CAMK4: variants seen among roughly 807,000 people sequenced by gnomAD.
The protein encoded by CAMK4 is calcium/calmodulin-dependent protein kinase type IV.
Under a neutral mutation model 44.9 loss-of-function variants are expected in CAMK4, and 22 were observed. The ratio of observed to expected loss-of-function variants is 0.49; its 90% CI spans 0.35 to 0.70. The LOEUF is 0.70. Among genes scored for constraint, CAMK4 ranks in the 30% least tolerant of loss-of-function variants. CAMK4 has a pLI of 0.01. For synonymous variants in CAMK4, 218 were observed against 215.4 expected, an observed-to-expected ratio of 1.01 and a Z score of -0.11; for missense variants, 498 against 586.8, an observed-to-expected ratio of 0.85 and a Z score of 1.56.
intron 1 of CAMK4, among the ~76,000 whole-genome samples, chr5:111,257,259 A>G (rs1190114275): frequency 1.3e-5 from 2 of 152,244 alleles, no homozygotes; most frequent in African/African-American, 4.8e-5. Flanking sequence ...CCACCTGACA[A>G]AGGTCTAATA....
intron 1 of CAMK4, among the ~76,000 whole-genome samples, chr5:111,332,713 G>C (rs1749222427): frequency 6.6e-6 from 1 of 151,548 alleles, no homozygotes; most frequent in South Asian, 2.1e-4. Flanking sequence ...TGCTGGTCTA[G>C]TGCATTTGGG....
At chr5:111,471,277 G>A (rs1187362116) in intron 7 of CAMK4, among the ~76,000 whole-genome samples, 1 of 152,174 alleles carries the variant, frequency 6.6e-6, no homozygotes, top group Non-Finnish European at 1.5e-5. Flanking sequence ...AGATGTCTGT[G>A]ATGTTGACTA....
chr5:111,442,280 G>A (rs2112962102), intron 5 of CAMK4, among the ~76,000 whole-genome samples: 1 of 152,280 alleles, frequency 6.6e-6, no homozygotes, highest in East Asian at 1.9e-4. Context: ...GATCACCCGA[G>A]ATCAGGGGTT....
chr5:111,276,038 T>G (rs1218405462), intron 1 of CAMK4, among the ~76,000 whole-genome samples: 1 of 152,196 alleles, frequency 6.6e-6, no homozygotes, highest in African/African-American at 2.4e-5. Context: ...ATTCTAATAT[T>G]AACTGATCTG....
At chr5:111,310,059 A>C (rs1748132850) in intron 1 of CAMK4, among the ~76,000 whole-genome samples, 1 of 152,176 alleles carries the variant, frequency 6.6e-6, no homozygotes, top group Non-Finnish European at 1.5e-5. Context: ...ACACCGTTTC[A>C]TGAGTGCATA....
chr5:111,478,971 G>A (rs2112496652), intron 9 of CAMK4, among the ~76,000 whole-genome samples: 1 of 152,202 alleles, frequency 6.6e-6, no homozygotes, highest in South Asian at 2.1e-4. Flanking sequence ...TCCAACTCCT[G>A]GGCTTAAGCA....
intron 1 of CAMK4, among the ~76,000 whole-genome samples, chr5:111,330,111 CAAAT>C (rs1249427519): frequency 7.3e-6 from 1 of 137,244 alleles, no homozygotes; most frequent in African/African-American, 2.6e-5. Flanking sequence ...AAAAAACAAA[CAAAT>C]AAAAAACTCT....
At chr5:111,416,362 A>T (rs957291518) in intron 5 of CAMK4, 2 of 152,212 alleles carry the variant, frequency 1.3e-5, no homozygotes, top group African/African-American at 4.8e-5. Context: ...GCATTTTAGA[A>T]TCTTCCACAT....
chr5:111,297,900 A>T (rs998566871), intron 1 of CAMK4, among the ~76,000 whole-genome samples: 2 of 152,186 alleles, frequency 1.3e-5, no homozygotes, highest in African/African-American at 2.4e-5. Context: ...ACTGTATTTC[A>T]TCAATAATTA....
At chr5:111,329,142 G>A (rs952179710) in intron 1 of CAMK4, among the ~76,000 whole-genome samples, 3 of 151,798 alleles carry the variant, frequency 2.0e-5, no homozygotes, top group Non-Finnish European at 4.4e-5. Flanking sequence ...GATTATTTCA[G>A]TAGATGCAGA....
intron 7 of CAMK4, among the ~76,000 whole-genome samples, chr5:111,453,014 T>A (rs886884906): frequency 1.8e-4 from 28 of 152,230 alleles, no homozygotes; most frequent in Non-Finnish European, 4.1e-4. Context: ...TACTATTATA[T>A]AGGCGGGGGC....
intron 6 of CAMK4, among the ~76,000 whole-genome samples, chr5:111,448,294 A>G (rs1426133411): frequency 6.6e-6 from 1 of 152,240 alleles, no homozygotes; most frequent in Non-Finnish European, 1.5e-5. Context: ...AGTGAAATAC[A>G]TTGGAGACTG....
rs920866201 is a variant in CAMK4, at chr5:111,490,366, T to C, written c.*5900T>C. 1 of 152,256 alleles carries C rather than the reference T, an allele frequency of 6.6e-6. No homozygotes were observed. Among genetic ancestry groups the C allele is most frequent in the African/African-American group, 2.4e-5 (1 of 41,440 alleles). The allele number at this position is 152,256 out of a possible 1,614,324, so 9.4% of individuals were successfully genotyped here. A position where few individuals can be genotyped will look rare whatever the true frequency, so the allele number is the denominator to read the frequency against. ...GTTCATGCCTGTAATCCCAACACTT[T>C]GGGAGGCCGAGGTTGGCAGATCACC... On this transcript the variant is annotated 3_prime_UTR_variant, in exon 11 of 11. Transcript: ENST00000282356.
intron 5 of CAMK4, among the ~76,000 whole-genome samples, chr5:111,409,384 T>A (rs1215907117): frequency 1.3e-5 from 2 of 152,204 alleles, no homozygotes; most frequent in East Asian, 1.9e-4. Context: ...TAGCCATGGC[T>A]GGAGCTGAAG....
Position 111,378,105 on chromosome 5 carries a change from T to A in CAMK4, c.386+1163T>A, listed in dbSNP as rs552896444. On this transcript the variant is annotated intron_variant, in intron 4 of 10. Coordinates refer to ENST00000282356, the MANE Select transcript of CAMK4 (RefSeq NM_001744.6). Reference sequence around the variant, plus strand: ...AGGAGATGGGATCTTTGGGAGGTCATTAGGTCATAAAGGTGGAGCCCTCCA... The same window carrying A: ...AGGAGATGGGATCTTTGGGAGGTCAATAGGTCATAAAGGTGGAGCCCTCCA... Among the ~76,000 whole-genome samples the A allele has an allele frequency of 5.9e-5, 9 of 152,134 alleles. No homozygotes were observed. In the South Asian group the frequency reaches 1.9e-3, roughly 32 times the overall value.
At chr5:111,440,565 C>A (rs760397577) in intron 5 of CAMK4, among the ~76,000 whole-genome samples, 1 of 150,012 alleles carries the variant, frequency 6.7e-6, no homozygotes, top group Non-Finnish European at 1.5e-5. Context: ...ATGACATATT[C>A]TATTTATAAG....
chr5:111,469,158 AAAAAAAAAAAAAAAATATATATATAT>A (rs1406521504), intron 7 of CAMK4, among the ~76,000 whole-genome samples: 1 of 83,246 alleles, frequency 1.2e-5, no homozygotes, highest in African/African-American at 5.3e-5. Flanking sequence ...AAAAAAAAAA[AAAAAAAAAAAAAAAATATATATATAT>A]ATATATATAT....
chr5:111,460,632 G>A (rs930997623), intron 7 of CAMK4, among the ~76,000 whole-genome samples: 6 of 152,092 alleles, frequency 3.9e-5, no homozygotes, highest in African/African-American at 1.2e-4. Flanking sequence ...ATATTAGGAT[G>A]AGATAGGTTT....
intron 5 of CAMK4, among the ~76,000 whole-genome samples, chr5:111,409,042 G>T (rs543241966): frequency 1.3e-4 from 20 of 152,286 alleles, no homozygotes; most frequent in African/African-American, 4.6e-4. Context: ...TTTTCCAGGT[G>T]CACAGTTCAG....
Sources: gnomAD v4.1 joint callset for allele counts (sites outside exome capture counted in the v4.1 genomes callset) on GRCh38, gnomAD v4.1.1 for gene constraint, MANE v1.5 for transcripts, NCBI Gene and HGNC (gene_info 2026-07-23, HGNC 2026-07-21) for gene names.